BLMH: variants seen among roughly 807,000 people sequenced by gnomAD.
BLMH encodes bleomycin hydrolase, also known as BLM hydrolase.
A neutral mutation model predicts 61.6 loss-of-function variants in BLMH; 32 were observed. The ratio of observed to expected loss-of-function variants is 0.52; its 90% CI spans 0.39 to 0.70. The LOEUF is 0.70. Ranked by LOEUF, BLMH falls within the 30% of genes least tolerant of loss-of-function variation. BLMH has a pLI of 0.00. For synonymous variants in BLMH, 183 were observed against 193.8 expected (o/e 0.94, Z 0.46); for missense variants, 460 against 555.5 (o/e 0.83, Z 1.73).
intron 11 of BLMH, among the ~76,000 whole-genome samples, chr17:30,255,566 T>C (rs555427374): frequency 6.6e-6 from 1 of 152,338 alleles, no homozygotes; most frequent in South Asian, 2.1e-4. Flanking sequence ...CAGTTTTCTT[T>C]TGTAAAGTGT....
At chr17:30,291,091 T>C (rs1436771784) in intron 2 of BLMH, 2 of 585,102 alleles carry the variant, frequency 3.4e-6, no homozygotes, top group South Asian at 2.1e-5. Context: ...CTCATGGACA[T>C]GTCACTTTTG....
At chr17:30,270,520 T>A (rs533327601) in intron 10 of BLMH, among the ~76,000 whole-genome samples, 41 of 144,482 alleles carry the variant, frequency 2.8e-4, no homozygotes, top group Middle Eastern at 3.5e-3. Flanking sequence ...AAAAAAAAAA[T>A]GATTTTCTAG....
At chr17:30,277,710 T>C (rs1480341127) in intron 6 of BLMH, among the ~76,000 whole-genome samples, 1 of 152,222 alleles carries the variant, frequency 6.6e-6, no homozygotes, top group East Asian at 1.9e-4. Context: ...ACACTATAAT[T>C]TGCAAAATAC....
intron 6 of BLMH, among the ~76,000 whole-genome samples, chr17:30,284,318 A>G (rs552541285): frequency 6.6e-6 from 1 of 152,370 alleles, no homozygotes; most frequent in Non-Finnish European, 1.5e-5. Flanking sequence ...CCCAGGATAT[A>G]AAGTAATGAG....
chr17:30,288,506 C>T (rs1039776066), intron 3 of BLMH, among the ~76,000 whole-genome samples: 6 of 151,998 alleles, frequency 3.9e-5, no homozygotes, highest in Admixed American at 3.3e-4. Flanking sequence ...GTGTGCACCA[C>T]GCGTGGCTAA....
intron 11 of BLMH, among the ~76,000 whole-genome samples, chr17:30,256,193 G>A (rs776621239): frequency 1.2e-4 from 18 of 152,010 alleles, no homozygotes; most frequent in Non-Finnish European, 1.8e-4. Context: ...AGCCCTCTGC[G>A]CATTTTAAAT....
At chr17:30,252,463 G>A (rs143607397) in intron 11 of BLMH, among the ~76,000 whole-genome samples, 67 of 148,846 alleles carry the variant, frequency 4.5e-4, no homozygotes, top group South Asian at 2.3e-3. Flanking sequence ...TTAGGAGGCC[G>A]AGGCAGGTGG....
intron 11 of BLMH, among the ~76,000 whole-genome samples, chr17:30,263,698 T>C (rs1459074050): frequency 6.6e-6 from 1 of 151,844 alleles, no homozygotes; most frequent in Non-Finnish European, 1.5e-5. Context: ...TACAAAAGAG[T>C]TTCTGGGCAG....
chr17:30,286,943 T>G lies in BLMH; in HGVS notation c.464-41A>C. 2.2e-6 allele frequency: 3 copies of G among 1,341,086 alleles called. No homozygotes were observed. The East Asian group carries it at 6.9e-5, about 31-fold the overall frequency. 83.1% of individuals were successfully genotyped at this position (1,341,086 alleles called of 1,614,324 possible). ...TTCTAGTGTTAAAGAAGGTAAAAAA[T>G]TAGAAACCCTGGCAAAAATAGTGAT... is the stretch of plus-strand genomic sequence containing the variant. On this transcript the variant is annotated intron_variant, in intron 4 of 11. Coordinates refer to ENST00000261714, the MANE Select transcript of BLMH (RefSeq NM_000386.4).
intron 6 of BLMH, among the ~76,000 whole-genome samples, chr17:30,278,265 T>C (rs1908478572): frequency 3.3e-5 from 5 of 152,152 alleles, no homozygotes; most frequent in Admixed American, 3.3e-4. Context: ...CACCTGCTTC[T>C]CACAAGATCT....
chr17:30,251,323 T>C (rs1371486745), intron 11 of BLMH, among the ~76,000 whole-genome samples: 1 of 152,178 alleles, frequency 6.6e-6, no homozygotes, highest in South Asian at 2.1e-4. Context: ...ACCCGAGCCA[T>C]TGCTAATAAG....
chr17:30,280,222 C>T (rs1168434517), intron 6 of BLMH, among the ~76,000 whole-genome samples: 1 of 152,120 alleles, frequency 6.6e-6, no homozygotes, highest in African/African-American at 2.4e-5. Flanking sequence ...CTTCTCATTG[C>T]CTATTGAATT....
At chr17:30,280,801 C>T (rs1400157297) in intron 6 of BLMH, among the ~76,000 whole-genome samples, 1 of 152,064 alleles carries the variant, frequency 6.6e-6, no homozygotes, top group Admixed American at 6.6e-5. Context: ...TTTAGTTTTA[C>T]TGATGGAGAA....
intron 10 of BLMH, among the ~76,000 whole-genome samples, chr17:30,269,743 A>G (rs1056801883): frequency 6.6e-6 from 1 of 152,206 alleles, no homozygotes; most frequent in African/African-American, 2.4e-5. Flanking sequence ...CTGGTTTACA[A>G]GACCTCAACC....
chr17:30,274,325 A>G, intron 6 of BLMH, 128 bp from the exon 7 acceptor site: 2 of 1,094,240 alleles, frequency 1.8e-6, no homozygotes, highest in Non-Finnish European at 2.5e-6. Flanking sequence ...AAATTTCACA[A>G]GAAATCTAAT....
At chr17:30,275,686 A>C (rs78709177) in intron 6 of BLMH, among the ~76,000 whole-genome samples, 1 of 146,890 alleles carries the variant, frequency 6.8e-6, no homozygotes, top group Non-Finnish European at 1.5e-5. Flanking sequence ...ACTCCATCTC[A>C]AAAAAAAAAA....
At position 30,266,942 on chromosome 17, in the gene BLMH, C is replaced by T; in HGVS notation, c.1159G>A (p.Gly387Ser). The change falls in exon 11 of 12, where the codon GGT becomes AGT. Residue 387 changes from glycine to serine, a missense_variant. Around this residue, in one of 5 missense-constraint regions of BLMH, gnomAD observed 310 missense variants for 371.1 expected, o/e 0.84. Transcript: ENST00000261714. Reference sequence around the variant, plus strand: ...TCCACTCTCCATTTTGTGAAAGCACCATCCTGATCATCCTGCAAAAAAGTG... The same window carrying T: ...TCCACTCTCCATTTTGTGAAAGCACTATCCTGATCATCCTGCAAAAAAGTG... ...TAVSEKDDQD[G>S]AFTKWRVENS... The T allele has an allele frequency of 2.5e-6, 4 of 1,614,044 alleles. No individual in the cohort carries two copies. Among genetic ancestry groups the T allele is most frequent in the Non-Finnish European group, 3.4e-6 (4 of 1,179,938 alleles).
intron 11 of BLMH, 21 bp downstream of exon 11, chr17:30,266,861 TTAG>T: frequency 6.2e-7 from 1 of 1,608,128 alleles, no homozygotes; most frequent in Non-Finnish European, 8.5e-7. Flanking sequence ...TCACCTGGAG[TTAG>T]TATTACCAAA....
intron 3 of BLMH, 108 bp downstream of exon 3, chr17:30,289,265 A>T: frequency 1.8e-6 from 1 of 556,774 alleles, no homozygotes; most frequent in Non-Finnish European, 3.0e-6. Flanking sequence ...AAGGTGTCTC[A>T]CCTATTATGA....
Sources: gnomAD v4.1 joint callset for allele counts (sites outside exome capture counted in the v4.1 genomes callset) on GRCh38, gnomAD v4.1.1 for gene constraint, gnomAD v4.1.1 regional missense constraint, MANE v1.5 for transcripts, NCBI Gene and HGNC (gene_info 2026-07-23, HGNC 2026-07-21) for gene names.